The following OPA1 variants were observed in gnomAD, a reference collection of about 807,000 sequenced individuals.
OPA1 encodes OPA1 mitochondrial dynamin like GTPase, also known as dynamin-like GTPase OPA1, mitochondrial.
In OPA1, 59 loss-of-function variants were observed where a neutral mutation model predicts 152.9. The ratio of observed to expected loss-of-function variants is 0.39; its 90% CI spans 0.31 to 0.48. The LOEUF is 0.48. OPA1 is among the 20% of genes least tolerant of loss of function. The pLI, the probability that OPA1 is intolerant of heterozygous loss-of-function variation, is 0.96. For synonymous variants in OPA1, 400 were observed against 389.9 expected, an observed-to-expected ratio of 1.03 and a Z score of -0.31; for missense variants, 1,008 against 1,216.8, an observed-to-expected ratio of 0.83 and a Z score of 2.55.
At position 193,674,341 on chromosome 3, in the gene OPA1, C is replaced by G. The variant is rs180674896; in HGVS notation, c.2983+7061C>G. ...GATGAAAGTTTCTTTTTTCAGTAAG[C>G]CACCTCAGTAACAAATCATGTTTTA... On this transcript the variant is annotated intron_variant, in intron 29 of 30. Coordinates refer to ENST00000361510, the MANE Select transcript of OPA1 (RefSeq NM_130837.3). 9.9e-4 allele frequency among the ~76,000 whole-genome samples: 151 copies of G among 152,272 alleles called. 2 individuals are homozygous for G. Among genetic ancestry groups the G allele is most frequent in the African/African-American group, 3.0e-3 (123 of 41,544 alleles).
intron 25 of OPA1, 36 bp downstream of exon 25, chr3:193,659,597 T>C: frequency 4.5e-6 from 7 of 1,550,948 alleles, no homozygotes; most frequent in Non-Finnish European, 6.2e-6. Flanking sequence ...TATGATGATA[T>C]AATTTTGTTC....
rs1443336289 is a variant in OPA1, at chr3:193,643,640, A to G, written c.1477+13A>G. On this transcript the variant is annotated intron_variant, in intron 15 of 30. Coordinates refer to ENST00000361510, the MANE Select transcript of OPA1 (RefSeq NM_130837.3). ...CTGTGTATTCAAGGTAAATCATATC[A>G]AAAGATTTTAATGTACTGATATGTT... The G allele has an allele frequency of 6.3e-6, 10 of 1,588,822 alleles. No individual in the cohort carries two copies. The highest frequency in any genetic ancestry group is 1.7e-5 in the Admixed American group (1 of 59,932).
At chr3:193,665,060 TA>T in intron 27 of OPA1, 64 bp downstream of exon 27, 1 of 888,944 alleles carries the variant, frequency 1.1e-6, no homozygotes, top group Non-Finnish European at 1.9e-6. Flanking sequence ...TGCTTAAAAG[TA>T]AACTTTAGCT....
chr3:193,677,681 A>G (rs1299886406), intron 29 of OPA1, among the ~76,000 whole-genome samples: 7 of 152,204 alleles, frequency 4.6e-5, no homozygotes, highest in Admixed American at 1.3e-4. Flanking sequence ...TTAATTTTGC[A>G]CTATTTTGTA....
At chr3:193,609,807 C>T (rs1401427775) in intron 1 of OPA1, among the ~76,000 whole-genome samples, 1 of 152,168 alleles carries the variant, frequency 6.6e-6, no homozygotes, top group Non-Finnish European at 1.5e-5. Flanking sequence ...ATCACTGATA[C>T]CCTTTCTTCC....
At position 193,664,931 on chromosome 3, in the gene OPA1, C is replaced by T; in HGVS notation, c.2713C>T (p.Leu905=). The T allele has an allele frequency of 6.2e-7, 1 of 1,609,328 alleles. No individual in the cohort carries two copies. The highest frequency in any genetic ancestry group is 8.5e-7 in the Non-Finnish European group (1 of 1,176,206). ...VYRRHFLKTA[L]NHCNLCRRGF... is the part of the protein sequence containing the mutation. ...TAGAAGACATTTTTTAAAAACAGCT[C>T]TAAACCATTGTAACCTTTGTCGAAG... The change falls in exon 27 of 31, where the codon CTA becomes TTA. Residue 905 remains leucine, a synonymous_variant. Transcript: ENST00000361510.
intron 6 of OPA1, among the ~76,000 whole-genome samples, chr3:193,623,451 A>T (rs957030510): frequency 1.4e-5 from 2 of 147,004 alleles, no homozygotes; most frequent in Admixed American, 6.7e-5. Flanking sequence ...TGTTATAATT[A>T]AAAAAAAACA....
chr3:193,668,619 A>T (rs1433187379), intron 29 of OPA1: 1 of 1,533,042 alleles, frequency 6.5e-7, no homozygotes, highest in Admixed American at 2.0e-5. Context: ...AGCCTGCACC[A>T]GGCCACCCTC....
intron 22 of OPA1, among the ~76,000 whole-genome samples, chr3:193,655,943 C>A (rs1028216240): frequency 6.6e-6 from 1 of 152,170 alleles, no homozygotes; most frequent in South Asian, 2.1e-4. Context: ...GATTTCACCC[C>A]TTTCCTATCT....
intron 8 of OPA1, 165 bp downstream of exon 8, chr3:193,631,830 TAAA>T: frequency 1.5e-6 from 1 of 659,662 alleles, no homozygotes; most frequent in East Asian, 2.6e-5. Flanking sequence ...AAATAAGGAA[TAAA>T]GACAGAACTA....
chr3:193,596,951 G>T (rs1725705206), intron 1 of OPA1: 1 of 152,214 alleles, frequency 6.6e-6, no homozygotes, highest in South Asian at 2.1e-4. Flanking sequence ...CGACTTGTGA[G>T]TTCCACACTG....
At position 193,662,842 on chromosome 3, in the gene OPA1, G is replaced by T; in HGVS notation, c.2541G>T (p.Lys847Asn). 1 of 1,613,324 alleles carries T rather than the reference G, an allele frequency of 6.2e-7. No homozygotes were observed. The highest frequency in any genetic ancestry group is 8.5e-7 in the Non-Finnish European group (1 of 1,179,422). ...TAAAGTGTGTTCACAATGAAACCAA[G>T]AATGAATTGGAGAAGATGTTGAAAT... is the stretch of plus-strand genomic sequence containing the variant. ...TQEQCVHNETKNELEKMLKCN... is the reference protein window; with the variant it reads ...TQEQCVHNETNNELEKMLKCN... The change falls in exon 26 of 31, where the codon AAG becomes AAT. Residue 847 changes from lysine (K) to asparagine (N), a missense_variant. By Grantham distance (94) the Lys-to-Asn change is moderately conservative. Around this residue, in one of 7 missense-constraint regions of OPA1, gnomAD observed 229 missense variants for 269.0 expected, o/e 0.85. Coordinates refer to ENST00000361510, the MANE Select transcript of OPA1 (RefSeq NM_130837.3).
intron 4 of OPA1, 43 bp downstream of exon 4, chr3:193,617,328 C>G (rs1271732212): frequency 8.4e-7 from 1 of 1,183,974 alleles, no homozygotes; most frequent in Admixed American, 1.8e-5. Flanking sequence ...ATTTAAGAAC[C>G]ATGGAGGAAA....
At chr3:193,688,237 C>A (rs1250237520) in intron 29 of OPA1, among the ~76,000 whole-genome samples, 6 of 152,074 alleles carry the variant, frequency 3.9e-5, no homozygotes, top group African/African-American at 7.2e-5. Flanking sequence ...GTTCTAGACA[C>A]TGAAGACTCT....
At position 193,619,021 on chromosome 3, in the gene OPA1, A is replaced by G; in HGVS notation, c.678+85A>G. On this transcript the variant is annotated intron_variant, in intron 6 of 30. Coordinates refer to ENST00000361510, the MANE Select transcript of OPA1 (RefSeq NM_130837.3). ...CTTCTTTGGAAGATTTTAAAATGAT[A>G]ACATCTGAGAAGCAAATACAAAAAC... 5 of 1,046,026 alleles carry G rather than the reference A, an allele frequency of 4.8e-6. No individual in the cohort carries two copies. The South Asian group carries it at 6.4e-5, about 13-fold the overall frequency. The allele number at this position is 1,046,026 out of a possible 1,614,324, so 64.8% of individuals were successfully genotyped here.
At chr3:193,630,740 C>G (rs1324244106) in intron 7 of OPA1, among the ~76,000 whole-genome samples, 1 of 152,068 alleles carries the variant, frequency 6.6e-6, no homozygotes, top group Non-Finnish European at 1.5e-5. Context: ...CTGCCTCTTA[C>G]CAAGAAGTCA....
chr3:193,593,492 G>A, intron 1 of OPA1, 83 bp downstream of exon 1: 1 of 1,346,118 alleles, frequency 7.4e-7, no homozygotes. Context: ...CCAAAAATGT[G>A]CAGGTGACTC....
chr3:193,669,743 A>AT (rs1367981765), intron 29 of OPA1, among the ~76,000 whole-genome samples: 1 of 152,238 alleles, frequency 6.6e-6, no homozygotes, highest in African/African-American at 2.4e-5. Context: ...TTGGAAAATC[A>AT]TAAGTATCTT....
chr3:193,668,071 A>C (rs1422310987), intron 29 of OPA1, among the ~76,000 whole-genome samples: 2 of 152,194 alleles, frequency 1.3e-5, no homozygotes, highest in Non-Finnish European at 2.9e-5. Flanking sequence ...GAATATACAC[A>C]CACTGACATC....
Sources: allele counts gnomAD v4.1 joint callset (sites outside exome capture counted in the v4.1 genomes callset), GRCh38; gene constraint gnomAD v4.1.1; regional missense constraint gnomAD v4.1.1; transcripts MANE v1.5; gene names NCBI Gene and HGNC (gene_info 2026-07-23, HGNC 2026-07-21).